COL19A1: variants seen among roughly 807,000 people sequenced by gnomAD.
COL19A1 encodes the protein collagen type XIX alpha 1 chain.
Under a neutral mutation model 190.2 loss-of-function variants are expected in COL19A1, and 159 were observed. The observed-to-expected ratio is 0.84, with a 90% confidence interval of 0.73 to 0.95. The LOEUF is 0.95. Ranked by LOEUF, COL19A1 falls within the 40% of genes least tolerant of loss-of-function variation. The pLI is 0.00. For missense variants in COL19A1, 1,418 were observed against 1,431.9 expected (o/e 0.99, Z 0.16); for synonymous variants, 509 against 458.9 (o/e 1.11, Z -1.39).
chr6:70,077,300 A>T (rs956513728), intron 15 of COL19A1, among the ~76,000 whole-genome samples: 1 of 152,220 alleles, frequency 6.6e-6, no homozygotes, highest in Non-Finnish European at 1.5e-5. Flanking sequence ...TTCTTTAAAA[A>T]GTTGAAAATT....
At chr6:69,928,930 G>A (rs1228145338) in intron 5 of COL19A1, among the ~76,000 whole-genome samples, 6 of 152,010 alleles carry the variant, frequency 3.9e-5, no homozygotes, top group Admixed American at 2.6e-4. Context: ...TCTATAAAAT[G>A]TGTTTTCTCT....
chr6:70,078,546 A>G (rs914799054), intron 15 of COL19A1, among the ~76,000 whole-genome samples: 1 of 152,124 alleles, frequency 6.6e-6, no homozygotes, highest in Non-Finnish European at 1.5e-5. Flanking sequence ...ACTTCCCAGT[A>G]TCTCCAGGCC....
chr6:70,013,487 A>T (rs1204437569), intron 11 of COL19A1, among the ~76,000 whole-genome samples: 1 of 48,810 alleles, frequency 2.0e-5, no homozygotes, highest in Admixed American at 2.6e-4. Flanking sequence ...AGAAAAAAAG[A>T]GAGAAGAATC....
At chr6:69,932,692 T>C in intron 6 of COL19A1, 91 bp from the exon 7 acceptor site, 1 of 679,206 alleles carries the variant, frequency 1.5e-6, no homozygotes, top group South Asian at 2.0e-5. Flanking sequence ...TTAGCTTCCT[T>C]TTTCTTTCTG....
At chr6:69,946,711 G>T (rs1199618261) in intron 9 of COL19A1, among the ~76,000 whole-genome samples, 3 of 151,850 alleles carry the variant, frequency 2.0e-5, no homozygotes, top group Non-Finnish European at 4.4e-5. Flanking sequence ...CTGTATTTTA[G>T]GGTGCAGTTG....
rs774946536 is a variant in COL19A1, at chr6:69,929,673, G to A, written c.639G>A (p.Thr213=). Residue 213 remains threonine (T), a synonymous_variant, in exon 6 of 51, where the codon ACG becomes ACA. Transcript: ENST00000620364. ...VDFHGRTVIA[T]RASDGKPVDI... is the part of the protein sequence containing the mutation. ...TCCATGGACGGACAGTTATTGCTAC[G>A]CGAGCTTCAGATGGCAAGCCTGTGG... 1.4e-5 allele frequency: 22 copies of A among 1,613,118 alleles called. No homozygotes were observed. In the East Asian group the frequency reaches 1.6e-4, roughly 11 times the overall value.
chr6:70,104,991 T>C (rs1024149273), intron 16 of COL19A1, among the ~76,000 whole-genome samples: 75 of 152,290 alleles, frequency 4.9e-4, no homozygotes, highest in African/African-American at 1.7e-3. Flanking sequence ...CCGCAGACTT[T>C]AGTTTGTTGC....
intron 14 of COL19A1, among the ~76,000 whole-genome samples, chr6:70,036,358 G>C (rs753279064): frequency 2.0e-5 from 3 of 152,056 alleles, no homozygotes; most frequent in Admixed American, 1.3e-4. Flanking sequence ...TATTTAAACT[G>C]GTAATTACAT....
intron 16 of COL19A1, among the ~76,000 whole-genome samples, chr6:70,109,336 C>T (rs1428375570): frequency 6.6e-6 from 1 of 152,010 alleles, no homozygotes; most frequent in Admixed American, 6.6e-5. Flanking sequence ...ACAGAAATAT[C>T]AGGACTTGCA....
At chr6:70,055,590 T>A (rs1446138384) in intron 14 of COL19A1, among the ~76,000 whole-genome samples, 1 of 152,022 alleles carries the variant, frequency 6.6e-6, no homozygotes, top group Non-Finnish European at 1.5e-5. Context: ...AGGACCAACC[T>A]GGCCAACATG....
intron 11 of COL19A1, among the ~76,000 whole-genome samples, chr6:70,018,406 C>G (rs1218247661): frequency 6.6e-6 from 1 of 152,000 alleles, no homozygotes; most frequent in African/African-American, 2.4e-5. Context: ...TATAATAATA[C>G]CAGTCTACCC....
intron 13 of COL19A1, among the ~76,000 whole-genome samples, chr6:70,035,254 T>A (rs1399239169): frequency 6.6e-5 from 10 of 152,132 alleles, no homozygotes; most frequent in Non-Finnish European, 1.3e-4. Context: ...AACATGAAGG[T>A]GACATAGAAA....
At chr6:70,041,306 A>G (rs1179823902) in intron 14 of COL19A1, among the ~76,000 whole-genome samples, 1 of 152,226 alleles carries the variant, frequency 6.6e-6, no homozygotes, top group Non-Finnish European at 1.5e-5. Flanking sequence ...CATTATAGAA[A>G]CTTATAATAA....
chr6:69,938,128 A>G (rs1773228367), intron 9 of COL19A1, 28 bp downstream of exon 9: 3 of 1,601,950 alleles, frequency 1.9e-6, no homozygotes, highest in Non-Finnish European at 2.6e-6. Context: ...ACTGATGGAG[A>G]AAACAGGGTT....
intron 11 of COL19A1, among the ~76,000 whole-genome samples, chr6:69,969,347 C>T (rs879584068): frequency 8.5e-5 from 13 of 152,164 alleles, no homozygotes; most frequent in Non-Finnish European, 1.9e-4. Flanking sequence ...TGACTTAAAA[C>T]GTTCATTTAT....
At chr6:70,117,790 C>T (rs142799449) in intron 16 of COL19A1, among the ~76,000 whole-genome samples, 11 of 152,298 alleles carry the variant, frequency 7.2e-5, no homozygotes, top group East Asian at 3.9e-4. Flanking sequence ...AGCAAATCTC[C>T]GTAAAAAACA....
chr6:70,047,947 G>A (rs1302005152), intron 14 of COL19A1, among the ~76,000 whole-genome samples: 2 of 152,092 alleles, frequency 1.3e-5, no homozygotes, highest in Non-Finnish European at 2.9e-5. Flanking sequence ...ACTAATTTTA[G>A]TTCCTAGGAA....
intron 4 of COL19A1, among the ~76,000 whole-genome samples, chr6:69,902,947 T>C (rs1344098844): frequency 6.6e-6 from 1 of 152,176 alleles, no homozygotes; most frequent in East Asian, 1.9e-4. Flanking sequence ...CAATAACAGA[T>C]TACTGTTCAT....
chr6:69,920,100 A>C (rs1432967477), intron 4 of COL19A1, among the ~76,000 whole-genome samples: 1 of 152,204 alleles, frequency 6.6e-6, no homozygotes, highest in Non-Finnish European at 1.5e-5. Flanking sequence ...TGCCCCTTGC[A>C]AAAACTGAGA....
Sources: allele counts gnomAD v4.1 joint callset (sites outside exome capture counted in the v4.1 genomes callset), GRCh38; gene constraint gnomAD v4.1.1; transcripts MANE v1.5; gene names NCBI Gene and HGNC (gene_info 2026-07-23, HGNC 2026-07-21).